Variants in GPR158 observed in about 807,000 individuals in gnomAD.
GPR158 encodes metabotropic glycine receptor.
GPR158 carries 30 observed loss-of-function variants against 78.2 expected under a neutral mutation model. That is an observed-to-expected ratio of 0.38 (90% CI 0.29 to 0.52). The LOEUF is 0.52. Ranked by LOEUF, GPR158 falls within the 20% of genes least tolerant of loss-of-function variation. The pLI, the probability that GPR158 is intolerant of heterozygous loss-of-function variation, is 0.83. For missense variants in GPR158, 1,463 were observed against 1,523.5 expected, an observed-to-expected ratio of 0.96 and a Z score of 0.66; for synonymous variants, 581 against 591.1, an observed-to-expected ratio of 0.98 and a Z score of 0.25.
chr10:25,527,194 G>T (rs1836360427), intron 5 of GPR158, among the ~76,000 whole-genome samples: 1 of 152,152 alleles, frequency 6.6e-6, no homozygotes, highest in South Asian at 2.1e-4. Context: ...TCAAGTCAGA[G>T]ATTTTTACAC....
intron 2 of GPR158, among the ~76,000 whole-genome samples, chr10:25,362,426 G>A (rs1588825169): frequency 6.6e-6 from 1 of 151,584 alleles, no homozygotes; most frequent in Non-Finnish European, 1.5e-5. Flanking sequence ...TATTTTCTTG[G>A]CTATTTGGGC....
intron 2 of GPR158, among the ~76,000 whole-genome samples, chr10:25,221,977 T>C (rs1429268346): frequency 6.6e-6 from 1 of 152,164 alleles, no homozygotes; most frequent in Non-Finnish European, 1.5e-5. Flanking sequence ...CAACTTTAAT[T>C]TGAATTTTTG....
chr10:25,250,209 C>T (rs1254857367), intron 2 of GPR158, among the ~76,000 whole-genome samples: 25 of 126,102 alleles, frequency 2.0e-4, no homozygotes, highest in Non-Finnish European at 3.1e-4. Flanking sequence ...CTCTTTTTTT[C>T]TTTATTAGTC....
intron 4 of GPR158, among the ~76,000 whole-genome samples, chr10:25,416,219 A>G (rs1164672249): frequency 6.6e-6 from 1 of 152,126 alleles, no homozygotes; most frequent in Non-Finnish European, 1.5e-5. Context: ...GCCAAGTATG[A>G]CATTTAAAGT....
At chr10:25,466,144 C>G (rs1835418588) in intron 4 of GPR158, 1 of 152,526 alleles carries the variant, frequency 6.6e-6, no homozygotes, top group Non-Finnish European at 1.5e-5. Context: ...GAAACAGCAA[C>G]CCTTCCGGGT....
chr10:25,514,252 A>G (rs144145030), intron 5 of GPR158, among the ~76,000 whole-genome samples: 7 of 152,252 alleles, frequency 4.6e-5, no homozygotes, highest in African/African-American at 1.4e-4. Flanking sequence ...AAATCATTAT[A>G]TAATGTCCCT....
chr10:25,237,784 C>T (rs182617442), intron 2 of GPR158, among the ~76,000 whole-genome samples: 2 of 152,312 alleles, frequency 1.3e-5, no homozygotes, highest in East Asian at 3.9e-4. Flanking sequence ...AACCAAACCA[C>T]TAAATTAAAA....
chr10:25,227,462 T>G (rs1163073267), intron 2 of GPR158, among the ~76,000 whole-genome samples: 3 of 152,264 alleles, frequency 2.0e-5, no homozygotes, highest in African/African-American at 7.2e-5. Flanking sequence ...TTTCCATCAC[T>G]GTCTCATGCA....
intron 6 of GPR158, among the ~76,000 whole-genome samples, chr10:25,559,411 A>C (rs1836833126): frequency 6.6e-6 from 1 of 152,192 alleles, no homozygotes; most frequent in Admixed American, 6.5e-5. Flanking sequence ...GCTCATCTGA[A>C]ATATGTAGCA....
chr10:25,409,138 C>T (rs1238846072), intron 3 of GPR158, among the ~76,000 whole-genome samples: 1 of 152,182 alleles, frequency 6.6e-6, no homozygotes, highest in African/African-American at 2.4e-5. Context: ...GTTGGCTTTC[C>T]TCTTTCGCCT....
intron 7 of GPR158, among the ~76,000 whole-genome samples, chr10:25,578,913 G>A (rs1837145214): frequency 6.6e-6 from 1 of 152,108 alleles, no homozygotes; most frequent in South Asian, 2.1e-4. Context: ...GGAGGCTGAG[G>A]TAGGAGAATG....
chr10:25,329,443 A>G (rs1011947712), intron 2 of GPR158, among the ~76,000 whole-genome samples: 3 of 151,926 alleles, frequency 2.0e-5, no homozygotes, highest in Admixed American at 6.6e-5. Flanking sequence ...CCGTTTCAAA[A>G]AAAAAAAAAG....
chr10:25,591,491 CT>C (rs1340300190), intron 8 of GPR158, among the ~76,000 whole-genome samples: 1 of 152,106 alleles, frequency 6.6e-6, no homozygotes. Flanking sequence ...GAGCTTGGTT[CT>C]TATAGACACA....
At chr10:25,531,897 G>T (rs1836428312) in intron 5 of GPR158, among the ~76,000 whole-genome samples, 1 of 152,158 alleles carries the variant, frequency 6.6e-6, no homozygotes, top group Non-Finnish European at 1.5e-5. Context: ...TGGCAGAGCA[G>T]TCCCTTGGGC....
chr10:25,337,436 G>T (rs181082781), intron 2 of GPR158, among the ~76,000 whole-genome samples: 3 of 151,926 alleles, frequency 2.0e-5, no homozygotes, highest in Admixed American at 1.3e-4. Context: ...CTTTTTTTGC[G>T]TAACAGTTTG....
chr10:25,318,114 C>A (rs1042009457), intron 2 of GPR158, among the ~76,000 whole-genome samples: 3 of 152,118 alleles, frequency 2.0e-5, no homozygotes, highest in Non-Finnish European at 4.4e-5. Flanking sequence ...GAGCTACCCA[C>A]TCTTGTCAGT....
chr10:25,570,577 T>C (rs1049621144), intron 6 of GPR158, among the ~76,000 whole-genome samples: 1 of 152,208 alleles, frequency 6.6e-6, no homozygotes, highest in Admixed American at 6.5e-5. Context: ...TTTATTTTAA[T>C]GTTTTATCTT....
At chr10:25,553,437 T>C (rs1190732227) in intron 6 of GPR158, among the ~76,000 whole-genome samples, 1 of 152,186 alleles carries the variant, frequency 6.6e-6, no homozygotes. Context: ...TCTTATCCTC[T>C]GTGAACCATA....
At chr10:25,365,854 G>T (rs528832647) in intron 2 of GPR158, among the ~76,000 whole-genome samples, 1 of 151,438 alleles carries the variant, frequency 6.6e-6, no homozygotes, top group Admixed American at 6.6e-5. Flanking sequence ...ACTCCAGAAG[G>T]CCTCCTTATG....
Sources: gnomAD v4.1 joint callset for allele counts (sites outside exome capture counted in the v4.1 genomes callset) on GRCh38, gnomAD v4.1.1 for gene constraint, MANE v1.5 for transcripts, NCBI Gene and HGNC (gene_info 2026-07-23, HGNC 2026-07-21) for gene names.